The following ARB2A variants were observed in gnomAD, a reference collection of about 807,000 sequenced individuals.
ARB2A encodes the protein ARB2 cotranscriptional regulator A, also known as cotranscriptional regulator ARB2A.
chr5:93,806,473 A>C, the ARB2A span, among the ~76,000 whole-genome samples: 1 of 151,926 alleles, frequency 6.6e-6, no homozygotes. Flanking sequence ...ATTTACATGA[A>C]TAGTAACTCT....
the ARB2A span, chr5:93,862,599 G>T: frequency 6.6e-6 from 1 of 152,064 alleles, no homozygotes; most frequent in Non-Finnish European, 1.5e-5. Context: ...CTGGCAAAAG[G>T]GAGGCTGTGA....
the ARB2A span, among the ~76,000 whole-genome samples, chr5:94,031,298 A>G: frequency 6.6e-6 from 1 of 152,188 alleles, no homozygotes; most frequent in East Asian, 1.9e-4. Context: ...TGATAGACAT[A>G]TGGACAATAA....
the ARB2A span, among the ~76,000 whole-genome samples, chr5:94,103,835 A>T: frequency 6.6e-5 from 10 of 151,878 alleles, no homozygotes; most frequent in East Asian, 9.7e-4. Context: ...CCACATTCTT[A>T]ACCACAGTAC....
At chr5:93,902,529 T>C in the ARB2A span, among the ~76,000 whole-genome samples, 38 of 152,088 alleles carry the variant, frequency 2.5e-4, no homozygotes, top group Non-Finnish European at 4.6e-4. Context: ...GCAGAATTTG[T>C]GTACAAGAGG....
the ARB2A span, among the ~76,000 whole-genome samples, chr5:94,108,558 A>G: frequency 6.6e-6 from 1 of 152,186 alleles, no homozygotes. Flanking sequence ...ATCATATCTT[A>G]AAATAAATTC....
At chr5:93,854,034 A>G in the ARB2A span, among the ~76,000 whole-genome samples, 1 of 152,176 alleles carries the variant, frequency 6.6e-6, no homozygotes, top group African/African-American at 2.4e-5. Context: ...AAGGAATGGT[A>G]CCAGTTCCTC....
chr5:94,017,642 G>T, the ARB2A span, among the ~76,000 whole-genome samples: 1 of 152,102 alleles, frequency 6.6e-6, no homozygotes, highest in African/African-American at 2.4e-5. Context: ...GCCTATAAAG[G>T]TTGTTACTCT....
chr5:94,066,850 A>G, the ARB2A span, among the ~76,000 whole-genome samples: 1 of 152,214 alleles, frequency 6.6e-6, no homozygotes, highest in African/African-American at 2.4e-5. Context: ...TAAGGCTAGA[A>G]TTACCTTGAT....
chr5:93,895,593 A>C, the ARB2A span, among the ~76,000 whole-genome samples: 1 of 152,150 alleles, frequency 6.6e-6, no homozygotes, highest in African/African-American at 2.4e-5. Flanking sequence ...AAAATCCATA[A>C]ACTAAGTGAC....
the ARB2A span, among the ~76,000 whole-genome samples, chr5:93,774,264 A>G: frequency 1.3e-5 from 2 of 152,236 alleles, no homozygotes; most frequent in African/African-American, 4.8e-5. Flanking sequence ...AATGAGGCCA[A>G]TGACTAACTC....
the ARB2A span, among the ~76,000 whole-genome samples, chr5:93,953,714 C>A: frequency 6.6e-6 from 1 of 152,150 alleles, no homozygotes; most frequent in Non-Finnish European, 1.5e-5. Flanking sequence ...TCCCTCCCTT[C>A]AGAACAGTGA....
chr5:93,896,230 G>A, the ARB2A span, among the ~76,000 whole-genome samples: 2 of 152,110 alleles, frequency 1.3e-5, no homozygotes, highest in Admixed American at 1.3e-4. Flanking sequence ...AAGCAAAAGA[G>A]ATACTACAGA....
chr5:93,621,826 T>G, the ARB2A span, among the ~76,000 whole-genome samples: 1 of 152,176 alleles, frequency 6.6e-6, no homozygotes, highest in Admixed American at 6.5e-5. Context: ...GGCGACATTT[T>G]TACAGATTTT....
At chr5:93,875,320 C>T in the ARB2A span, among the ~76,000 whole-genome samples, 1 of 152,074 alleles carries the variant, frequency 6.6e-6, no homozygotes, top group Non-Finnish European at 1.5e-5. Context: ...CAACCTCTGC[C>T]TCCTGGGTTC....
At chr5:93,893,316 T>C in the ARB2A span, among the ~76,000 whole-genome samples, 1 of 152,062 alleles carries the variant, frequency 6.6e-6, no homozygotes, top group East Asian at 1.9e-4. Context: ...GGAATCTATA[T>C]CTTATTCAGA....
the ARB2A span, among the ~76,000 whole-genome samples, chr5:94,001,202 T>C: frequency 1.3e-5 from 2 of 152,222 alleles, no homozygotes; most frequent in East Asian, 1.9e-4. Flanking sequence ...GGGATTTTTA[T>C]TGGAATTGCA....
At chr5:93,878,120 G>A in the ARB2A span, among the ~76,000 whole-genome samples, 1 of 152,240 alleles carries the variant, frequency 6.6e-6, no homozygotes, top group East Asian at 1.9e-4. Context: ...TGAGTGGGAA[G>A]TCAACAATTG....
the ARB2A span, among the ~76,000 whole-genome samples, chr5:93,916,264 A>G: frequency 6.6e-6 from 1 of 152,138 alleles, no homozygotes; most frequent in Non-Finnish European, 1.5e-5. Context: ...CAACCCGAAG[A>G]ATTTTATCAG....
At chr5:93,884,301 C>T in the ARB2A span, among the ~76,000 whole-genome samples, 1 of 151,488 alleles carries the variant, frequency 6.6e-6, no homozygotes, top group African/African-American at 2.4e-5. Context: ...TTTTAGAAAT[C>T]ATAGATTGAA....
Sources: gnomAD v4.1 joint callset for allele counts (sites outside exome capture counted in the v4.1 genomes callset) on GRCh38, gnomAD v4.1.1 for gene constraint, MANE v1.5 for transcripts, NCBI Gene and HGNC (gene_info 2026-07-23, HGNC 2026-07-21) for gene names.